Variants in MAN1A2 observed in about 807,000 individuals in gnomAD.
The protein encoded by MAN1A2 is mannosyl-oligosaccharide 1,2-alpha-mannosidase IB.
MAN1A2 carries 26 observed loss-of-function variants against 75.7 expected under a neutral mutation model. That is an observed-to-expected ratio of 0.34 (90% CI 0.25 to 0.48). The LOEUF is 0.48. Ranked by LOEUF, MAN1A2 falls within the 20% of genes least tolerant of loss-of-function variation. MAN1A2 has a pLI of 0.99. For synonymous variants in MAN1A2, 247 were observed against 264.6 expected, an observed-to-expected ratio of 0.93 and a Z score of 0.65; for missense variants, 562 against 775.5, an observed-to-expected ratio of 0.72 and a Z score of 3.27.
intron 1 of MAN1A2, among the ~76,000 whole-genome samples, chr1:117,389,659 T>G (rs911239164): frequency 6.6e-6 from 1 of 152,216 alleles, no homozygotes; most frequent in African/African-American, 2.4e-5. Context: ...ATTATGTGTT[T>G]TAAAACTACA....
Position 117,526,069 on chromosome 1 carries a change from C to A in MAN1A2, c.*3112C>A, listed in dbSNP as rs150639075. 1 of 151,912 alleles carries A rather than the reference C, an allele frequency of 6.6e-6. No homozygotes were observed. Among genetic ancestry groups the A allele is most frequent in the Non-Finnish European group, 1.5e-5 (1 of 67,806 alleles). 9.4% of individuals were successfully genotyped at this position (151,912 alleles called of 1,614,324 possible). On this transcript the variant is annotated 3_prime_UTR_variant, in exon 13 of 13. Coordinates refer to ENST00000356554, the MANE Select transcript of MAN1A2 (RefSeq NM_006699.5). ...GAAATATTAATCATCATCCTCTCATCTTCTCCACTCTCCATTGCCAAAGTC... is the reference window on the plus strand; with the variant it reads ...GAAATATTAATCATCATCCTCTCATATTCTCCACTCTCCATTGCCAAAGTC...
In MAN1A2 at chr1:117,378,402, TCTTTACAATTTCA is replaced by T. The variant is rs1260824775; in HGVS notation, c.302+9922_302+9934del. On this transcript the variant is annotated intron_variant, in intron 1 of 12. Transcript: ENST00000356554. ...GCAAGTTGTTTTCCCCTTCATGTTA[TCTTTACAATTTCA>T]CTTTTGGGCTCTGGTTCAATTATAT... 2.6e-5 allele frequency among the ~76,000 whole-genome samples: 4 copies of T among 152,342 alleles called. No homozygotes were observed. The East Asian group carries it at 7.7e-4, about 29-fold the overall frequency.
chr1:117,420,903 C>T (rs1648164630), intron 5 of MAN1A2, among the ~76,000 whole-genome samples: 1 of 152,112 alleles, frequency 6.6e-6, no homozygotes, highest in East Asian at 1.9e-4. Flanking sequence ...GATCCTTCTC[C>T]AGGATTTTGC....
In MAN1A2 at chr1:117,527,405, A is replaced by T. The variant is rs1382195124; in HGVS notation, c.*4448A>T. 6.6e-6 allele frequency: 1 copy of T among 151,876 alleles called. No individual in the cohort carries two copies. The highest frequency in any genetic ancestry group is 1.5e-5 in the Non-Finnish European group (1 of 67,850). 9.4% of individuals were successfully genotyped at this position (151,876 alleles called of 1,614,324 possible). On this transcript the variant is annotated 3_prime_UTR_variant, in exon 13 of 13. Coordinates refer to ENST00000356554, the MANE Select transcript of MAN1A2 (RefSeq NM_006699.5). The stretch of plus-strand genomic sequence containing the variant: ...AGTTTATTTTGTGTTAGACCCTCTA[A>T]CCTTTGATCTGCGTCTTTTCTGTTT...
At chr1:117,385,204 T>C (rs1479476053) in intron 1 of MAN1A2, among the ~76,000 whole-genome samples, 4 of 152,140 alleles carry the variant, frequency 2.6e-5, no homozygotes, top group Non-Finnish European at 4.4e-5. Context: ...TTATGACTTG[T>C]GCAGTCTGAG....
rs138492250 is a variant in MAN1A2, at chr1:117,476,307, T to C, written c.1168+9880T>C. Among the ~76,000 whole-genome samples, 1,419 of 152,240 alleles carry C rather than the reference T, an allele frequency of 9.3e-3. 57 individuals carry two copies. The highest frequency in any genetic ancestry group is 0.066 in the Admixed American group (1,015 of 15,274). On this transcript the variant is annotated intron_variant, in intron 8 of 12. Coordinates refer to ENST00000356554, the MANE Select transcript of MAN1A2 (RefSeq NM_006699.5). Reference sequence around the variant, plus strand: ...AAAAATTTTCTCCCATTCTGTAGGTTGCCTGTTCACTCTGATGATAGTTTC... The same window carrying C: ...AAAAATTTTCTCCCATTCTGTAGGTCGCCTGTTCACTCTGATGATAGTTTC...
At chr1:117,389,101 A>G (rs11801552) in intron 1 of MAN1A2, among the ~76,000 whole-genome samples, 2,604 of 152,316 alleles carry the variant, frequency 0.017, 33 homozygotes, top group South Asian at 0.029. Context: ...GAGAATGACT[A>G]CTTAAAATAC....
intron 12 of MAN1A2, among the ~76,000 whole-genome samples, chr1:117,521,979 T>C (rs888100870): frequency 1.3e-5 from 2 of 151,934 alleles, no homozygotes; most frequent in East Asian, 3.9e-4. Flanking sequence ...GGAGCTAAGC[T>C]ATGAGGACAC....
Position 117,522,862 on chromosome 1 carries a change from C to A in MAN1A2, c.1831C>A (p.Pro611Thr). 6.2e-7 allele frequency: 1 copy of A among 1,611,698 alleles called. No individual in the cohort carries two copies. Among genetic ancestry groups the A allele is most frequent in the South Asian group, 1.1e-5 (1 of 90,996 alleles). ...YLLFSGDDLL[P>T]LDHWVFNTEA... ...GCTGTTCTCCGGTGATGACCTTTTACCTTTAGACCACTGGGTGTTTAATAC... is the reference window on the plus strand; with the variant it reads ...GCTGTTCTCCGGTGATGACCTTTTAACTTTAGACCACTGGGTGTTTAATAC... Residue 611 changes from proline to threonine, a missense_variant, in exon 13 of 13, where the codon CCT (proline) becomes ACT (threonine). Physicochemically the swap from Pro to Thr is conservative, Grantham distance 38. This residue lies in a region of MAN1A2 where 434 missense variants were observed against 645.7 expected (regional missense o/e 0.67). Transcript: ENST00000356554.
chr1:117,515,089 A>C (rs1423861808), intron 12 of MAN1A2: 1 of 265,626 alleles, frequency 3.8e-6, no homozygotes, highest in Non-Finnish European at 7.6e-6. Context: ...GGCATGGACA[A>C]ATTTAATAAA....
At chr1:117,458,929 A>C (rs2101833616) in intron 6 of MAN1A2, among the ~76,000 whole-genome samples, 1 of 152,272 alleles carries the variant, frequency 6.6e-6, no homozygotes, top group East Asian at 1.9e-4. Flanking sequence ...TGAATCATCT[A>C]GACTTCCAGT....
At chr1:117,408,302 T>TAAAAA (rs1245208449) in intron 3 of MAN1A2, among the ~76,000 whole-genome samples, 2 of 119,682 alleles carry the variant, frequency 1.7e-5, no homozygotes, top group Non-Finnish European at 3.5e-5. Context: ...CCCTTTCTCT[T>TAAAAA]AAAAAAAAAA....
intron 12 of MAN1A2, among the ~76,000 whole-genome samples, chr1:117,516,571 C>T (rs1341924342): frequency 6.6e-6 from 1 of 152,066 alleles, no homozygotes; most frequent in Non-Finnish European, 1.5e-5. Context: ...AAGATGGAAC[C>T]AGATTTACCC....
At chr1:117,472,678 A>G (rs574100070) in intron 8 of MAN1A2, among the ~76,000 whole-genome samples, 2 of 151,910 alleles carry the variant, frequency 1.3e-5, no homozygotes, top group East Asian at 1.9e-4. Flanking sequence ...TCTTTTTATT[A>G]TTATTATTAG....
At chr1:117,432,072 A>G (rs1216485846) in intron 5 of MAN1A2, among the ~76,000 whole-genome samples, 1 of 152,268 alleles carries the variant, frequency 6.6e-6, no homozygotes, top group African/African-American at 2.4e-5. Context: ...ATAAATAGAC[A>G]TCAAGTAAGC....
rs1652843816 is a variant in MAN1A2, at chr1:117,368,465, A to C, written c.282A>C (p.Gly94=). 6.2e-7 allele frequency: 1 copy of C among 1,611,230 alleles called. No homozygotes were observed. The highest frequency in any genetic ancestry group is 1.3e-5 in the African/African-American group (1 of 74,572). ...AKNPGVFLIH[G]PDEHRHREEE... ...ACCCCGGAGTCTTCCTGATCCATGG[A>C]CCCGATGAACATAGACACAGGTTTG... The change falls in exon 1 of 13, where the codon GGA becomes GGC. Residue 94 remains glycine (G), a synonymous_variant. Transcript: ENST00000356554.
chr1:117,495,898 C>A (rs1651024481), intron 9 of MAN1A2, among the ~76,000 whole-genome samples: 1 of 151,930 alleles, frequency 6.6e-6, no homozygotes, highest in Non-Finnish European at 1.5e-5. Context: ...CATTCCCCAA[C>A]ATCAAATACA....
At chr1:117,510,944 C>G (rs1048341882) in intron 12 of MAN1A2, among the ~76,000 whole-genome samples, 1 of 152,022 alleles carries the variant, frequency 6.6e-6, no homozygotes, top group Non-Finnish European at 1.5e-5. Flanking sequence ...CTTCATAACA[C>G]TAACATCATC....
intron 8 of MAN1A2, among the ~76,000 whole-genome samples, chr1:117,482,589 TG>T (rs1433046525): frequency 2.6e-5 from 4 of 151,926 alleles, no homozygotes; most frequent in Non-Finnish European, 5.9e-5. Flanking sequence ...TTGATGGGGT[TG>T]TTTTTTTTCT....
Sources: gnomAD v4.1 joint callset for allele counts (sites outside exome capture counted in the v4.1 genomes callset) on GRCh38, gnomAD v4.1.1 for gene constraint, gnomAD v4.1.1 regional missense constraint, MANE v1.5 for transcripts, NCBI Gene and HGNC (gene_info 2026-07-23, HGNC 2026-07-21) for gene names.